EDDM13: variants seen among roughly 807,000 people sequenced by gnomAD.
EDDM13 encodes the protein epididymal protein 13.
EDDM13 carries 24 observed loss-of-function variants against 17.8 expected under a neutral mutation model. The observed-to-expected ratio is 1.35, with a 90% CI of 0.98 to 1.90. EDDM13 has a LOEUF of 1.90. EDDM13 is among the 40% of genes most tolerant of loss of function. The probability of loss-of-function intolerance (pLI) is 0.00; values close to 1 mark genes in which losing one functional copy is unlikely to be tolerated. For synonymous variants in EDDM13, 31 were observed against 37.5 expected (o/e 0.83, Z 0.63); for missense variants, 97 against 100.8 (o/e 0.96, Z 0.16).
At chr19:56,275,305 A>G (rs1438999659) in intron 1 of EDDM13, among the ~76,000 whole-genome samples, 2 of 152,264 alleles carry the variant, frequency 1.3e-5, no homozygotes, top group Middle Eastern at 3.4e-3. Context: ...TGCTTCTCCA[A>G]TGGTGATTTT....
At chr19:56,300,973 A>G (rs1369808516) in intron 12 of EDDM13, among the ~76,000 whole-genome samples, 1 of 152,122 alleles carries the variant, frequency 6.6e-6, no homozygotes, top group African/African-American at 2.4e-5. Flanking sequence ...TGGGAGATGG[A>G]TGAGAAAGAG....
intron 4 of EDDM13, 135 bp from the exon 5 acceptor site, chr19:56,284,063 C>T (rs1293137221): frequency 4.2e-6 from 2 of 475,962 alleles, no homozygotes; most frequent in Admixed American, 6.4e-5. Flanking sequence ...CAATCTGTTC[C>T]CAGCCCCCAG....
At chr19:56,300,927 G>A (rs963519432) in intron 12 of EDDM13, among the ~76,000 whole-genome samples, 159 of 152,262 alleles carry the variant, frequency 1.0e-3, no homozygotes, top group African/African-American at 3.7e-3. Flanking sequence ...CGACACGGTC[G>A]GATCTGGTGC....
chr19:56,275,713 G>C (rs2038196382), intron 1 of EDDM13, among the ~76,000 whole-genome samples: 1 of 152,244 alleles, frequency 6.6e-6, no homozygotes, highest in Admixed American at 6.5e-5. Context: ...AGCAAGTTCT[G>C]TGAGAACAGA....
intron 14 of EDDM13, among the ~76,000 whole-genome samples, chr19:56,308,065 C>T (rs1251247114): frequency 6.6e-6 from 1 of 152,248 alleles, no homozygotes; most frequent in Non-Finnish European, 1.5e-5. Flanking sequence ...GACAGGGTCT[C>T]GCTCTGTCGC....
chr19:56,276,017 C>T (rs1199839630), intron 1 of EDDM13, among the ~76,000 whole-genome samples, 75 bp from the exon 2 acceptor site: 1 of 152,206 alleles, frequency 6.6e-6, no homozygotes, highest in Admixed American at 6.5e-5. Flanking sequence ...TTGCACTGAT[C>T]TGAGTCTAAT....
At chr19:56,278,841 G>A (rs2038460256) in intron 2 of EDDM13, among the ~76,000 whole-genome samples, 1 of 152,166 alleles carries the variant, frequency 6.6e-6, no homozygotes, top group African/African-American at 2.4e-5. Flanking sequence ...TCCAAAGCCA[G>A]GAGAAGGGCA....
chr19:56,297,486 T>G lies in EDDM13; in HGVS notation c.269-19T>G. On this transcript the variant is annotated intron_variant, in intron 11 of 14. Transcript: ENST00000649256. ...CTTCTCTTCCTGCTTCTTTTTCTCC[T>G]CCATCTCTTCATTTTTAGAAGAAAC... 3.1e-6 allele frequency: 3 copies of G among 981,066 alleles called. No homozygotes were observed. Among genetic ancestry groups the G allele is most frequent in the South Asian group, 9.5e-5 (2 of 21,114 alleles). 60.8% of individuals were successfully genotyped at this position (981,066 alleles called of 1,614,324 possible).
intron 8 of EDDM13, among the ~76,000 whole-genome samples, 51 bp downstream of exon 8, chr19:56,288,942 G>A (rs564843797): frequency 5.3e-5 from 8 of 152,268 alleles, no homozygotes; most frequent in African/African-American, 1.7e-4. Flanking sequence ...CATAACCACC[G>A]CTGGGCCTTC....
chr19:56,277,819 T>C (rs1361962289), intron 2 of EDDM13, among the ~76,000 whole-genome samples: 3 of 152,168 alleles, frequency 2.0e-5, no homozygotes, highest in Non-Finnish European at 2.9e-5. Context: ...ATTACAAAGA[T>C]GCTGGTGCAC....
chr19:56,303,244 C>A (rs1210543733), intron 13 of EDDM13, among the ~76,000 whole-genome samples: 2 of 152,104 alleles, frequency 1.3e-5, no homozygotes, highest in African/African-American at 4.8e-5. Flanking sequence ...CTGTGGGAGG[C>A]TGAGGCGGCT....
intron 12 of EDDM13, among the ~76,000 whole-genome samples, chr19:56,300,727 G>A (rs930210494): frequency 2.6e-5 from 4 of 151,806 alleles, no homozygotes; most frequent in Non-Finnish European, 4.4e-5. Context: ...TTTCGTTTTC[G>A]ATTTGCATTT....
At chr19:56,291,383 G>A (rs1207092635) in intron 9 of EDDM13, among the ~76,000 whole-genome samples, 1 of 152,158 alleles carries the variant, frequency 6.6e-6, no homozygotes, top group Admixed American at 6.5e-5. Flanking sequence ...GTCTCTAAAG[G>A]AGTAAAGTCT....
chr19:56,305,597 AT>A (rs2040631823), intron 14 of EDDM13, among the ~76,000 whole-genome samples: 1 of 152,184 alleles, frequency 6.6e-6, no homozygotes, highest in South Asian at 2.1e-4. Flanking sequence ...TAGGAGTGGA[AT>A]TGCTAGGTCA....
chr19:56,299,211 A>T (rs944533394), intron 12 of EDDM13, among the ~76,000 whole-genome samples: 1 of 151,866 alleles, frequency 6.6e-6, no homozygotes, highest in African/African-American at 2.4e-5. Context: ...GGCTCACCAC[A>T]GCCCTAAACT....
At position 56,310,123 on chromosome 19, in the gene EDDM13, G is replaced by A. The variant is rs1310093266; in HGVS notation, c.462-1G>A. 1 of 152,318 alleles carries A rather than the reference G, an allele frequency of 6.6e-6. No individual in the cohort carries two copies. Among genetic ancestry groups the A allele is most frequent in the East Asian group, 1.9e-4 (1 of 5,198 alleles). The allele number at this position is 152,318 out of a possible 1,614,324, so 9.4% of individuals were successfully genotyped here. ...AAATACATTTCTCTCTCCTTTCTTA[G>A]GGATGATCCCTGCTGTTCTTTCTAG... On this transcript the variant is annotated splice_acceptor_variant, in intron 14 of 14. Transcript: ENST00000649256. LOFTEE classifies it high-confidence loss of function.
intron 2 of EDDM13, among the ~76,000 whole-genome samples, chr19:56,281,470 C>A (rs573980641): frequency 6.6e-6 from 1 of 152,146 alleles, no homozygotes; most frequent in Non-Finnish European, 1.5e-5. Context: ...ACAATGCTAT[C>A]GCTGTATTGA....
intron 2 of EDDM13, among the ~76,000 whole-genome samples, chr19:56,280,107 T>C: frequency 6.6e-6 from 1 of 152,330 alleles, no homozygotes; most frequent in Admixed American, 6.5e-5. Flanking sequence ...TCCAGAGATA[T>C]TTTATGCAAG....
intron 1 of EDDM13, among the ~76,000 whole-genome samples, chr19:56,275,665 C>T (rs1568681858): frequency 3.3e-5 from 5 of 152,180 alleles, no homozygotes; most frequent in Admixed American, 3.3e-4. Context: ...ACAGGCTAAG[C>T]TTGAAGCACC....
Sources: allele counts gnomAD v4.1 joint callset (sites outside exome capture counted in the v4.1 genomes callset), GRCh38; gene constraint gnomAD v4.1.1; transcripts MANE v1.5; gene names NCBI Gene and HGNC (gene_info 2026-07-23, HGNC 2026-07-21).